MGA: variants seen among roughly 807,000 people sequenced by gnomAD.
MGA encodes MAX dimerization protein MGA, also known as MAX gene-associated protein.
A neutral mutation model predicts 261.1 loss-of-function variants in MGA; 40 were observed. That is an observed-to-expected ratio of 0.15 (90% CI 0.12 to 0.20). The LOEUF (loss-of-function observed/expected upper bound fraction) is 0.20, where lower values mean the gene tolerates loss of function less well. Among genes scored for constraint, MGA ranks in the 10% least tolerant of loss-of-function variants. MGA has a pLI of 1.00. For synonymous variants in MGA, 1,302 were observed against 1,290.6 expected (o/e 1.01, Z -0.19); for missense variants, 3,397 against 3,630.5 (o/e 0.94, Z 1.65).
At chr15:41,621,298 G>A (rs1408464203) in exon 1 of MGA, 1 of 152,300 alleles carries the variant, frequency 6.6e-6, no homozygotes, top group Admixed American at 6.5e-5. Flanking sequence ...AAGTTAAGCC[G>A]GTAGGTGCGA....
intron 14 of MGA, 67 bp downstream of exon 14, chr15:41,740,270 A>G (rs2062016836): frequency 6.7e-7 from 1 of 1,483,632 alleles, no homozygotes; most frequent in African/African-American, 1.4e-5. Context: ...GGGTACAGGT[A>G]TGGAGGTTGT....
intron 2 of MGA, among the ~76,000 whole-genome samples, chr15:41,673,964 T>C (rs1380351901): frequency 2.0e-5 from 3 of 152,106 alleles, no homozygotes; most frequent in Admixed American, 2.0e-4. Context: ...CGATCTCGAC[T>C]CACGGAAACC....
At chr15:41,674,180 A>G (rs951644993) in intron 2 of MGA, among the ~76,000 whole-genome samples, 2 of 151,558 alleles carry the variant, frequency 1.3e-5, no homozygotes, top group Admixed American at 1.3e-4. Flanking sequence ...GTGAGCCACT[A>G]CATCTGACCA....
intron 1 of MGA, among the ~76,000 whole-genome samples, chr15:41,665,009 G>C (rs1304893225): frequency 2.0e-5 from 3 of 152,196 alleles, no homozygotes; most frequent in Non-Finnish European, 4.4e-5. Context: ...TAGTGCTTTA[G>C]TGTTGGGAAG....
At chr15:41,716,928 TCAATC>T (rs1376019866) in intron 9 of MGA, among the ~76,000 whole-genome samples, 1 of 152,110 alleles carries the variant, frequency 6.6e-6, no homozygotes, top group East Asian at 1.9e-4. Flanking sequence ...TTGTAATGGT[TCAATC>T]CATTGCTGAA....
Position 41,749,865 on chromosome 15 carries a change from T to G in MGA, c.6258T>G (p.Val2086=). Reference sequence around the variant, plus strand: ...AAGAAAAAGTGGCTGTTCTGGAAGTTAGGACCATTTCTGAAAAAGCCAGTA... The same window carrying G: ...AAGAAAAAGTGGCTGTTCTGGAAGTGAGGACCATTTCTGAAAAAGCCAGTA... The change falls in exon 17 of 24, where the codon GTT becomes GTG. Residue 2086 remains valine, a synonymous_variant. Transcript: ENST00000219905. 1 of 1,613,942 alleles carries G rather than the reference T, an allele frequency of 6.2e-7. No homozygotes were observed. The highest frequency in any genetic ancestry group is 8.5e-7 in the Non-Finnish European group (1 of 1,179,884).
At chr15:41,723,022 G>A (rs1217664496) in intron 9 of MGA, among the ~76,000 whole-genome samples, 1 of 152,130 alleles carries the variant, frequency 6.6e-6, no homozygotes, top group Non-Finnish European at 1.5e-5. Flanking sequence ...TAAAGCTAGG[G>A]GACTTGGGTA....
In MGA at chr15:41,710,889, A is replaced by T. The variant is rs1482816831; in HGVS notation, c.2624A>T (p.Gln875Leu). 3 of 1,613,816 alleles carry T rather than the reference A, an allele frequency of 1.9e-6. No homozygotes were observed. Among genetic ancestry groups the T allele is most frequent in the Non-Finnish European group, 1.7e-6 (2 of 1,179,832 alleles). The change falls in exon 8 of 24, where the codon CAA (glutamine) becomes CTA (leucine). Residue 875 changes from glutamine (Q) to leucine (L), a missense_variant. Physicochemically the swap from Gln to Leu is moderately radical, Grantham distance 113 (BLOSUM62 -2). Coordinates refer to ENST00000219905, the MANE Select transcript of MGA (RefSeq NM_001164273.2). Reference sequence around the variant, plus strand: ...ACACTTGATAGTGTACTAAAGAAGCAATCTACTATTTCCCCTTCTACCTCT... The same window carrying T: ...ACACTTGATAGTGTACTAAAGAAGCTATCTACTATTTCCCCTTCTACCTCT...
At chr15:41,697,483 C>T (rs1234383917) in intron 3 of MGA, among the ~76,000 whole-genome samples, 5 of 146,702 alleles carry the variant, frequency 3.4e-5, no homozygotes, top group Non-Finnish European at 7.4e-5. Context: ...GTGGCACGAT[C>T]TCAGCTCACT....
intron 1 of MGA, among the ~76,000 whole-genome samples, chr15:41,636,048 A>G (rs1005280725): frequency 2.0e-5 from 3 of 152,214 alleles, no homozygotes; most frequent in Non-Finnish European, 4.4e-5. Flanking sequence ...CATATATTAC[A>G]TAGTTCATAA....
At chr15:41,713,009 T>C in intron 8 of MGA, 142 bp from the exon 9 acceptor site, 1 of 1,226,622 alleles carries the variant, frequency 8.2e-7, no homozygotes, top group Non-Finnish European at 1.1e-6. Flanking sequence ...GTTAGATTCA[T>C]GTTCTGTCCT....
At chr15:41,723,504 C>T (rs949927035) in intron 9 of MGA, among the ~76,000 whole-genome samples, 2 of 152,176 alleles carry the variant, frequency 1.3e-5, no homozygotes, top group Non-Finnish European at 2.9e-5. Flanking sequence ...TATCCTTGAT[C>T]TCCCTGGCTC....
chr15:41,736,810 A>T, intron 13 of MGA, 112 bp downstream of exon 13: 3 of 1,220,008 alleles, frequency 2.5e-6, no homozygotes. Flanking sequence ...ATTTCCTGGG[A>T]ACTGGGTGAC....
At chr15:41,661,218 C>T (rs970010365) in intron 1 of MGA, among the ~76,000 whole-genome samples, 1 of 151,994 alleles carries the variant, frequency 6.6e-6, no homozygotes, top group Non-Finnish European at 1.5e-5. Context: ...GTGTTATTTT[C>T]TTTATTCCTC....
intron 11 of MGA, among the ~76,000 whole-genome samples, chr15:41,729,804 C>T (rs2061415908): frequency 6.6e-6 from 1 of 152,130 alleles, no homozygotes; most frequent in Non-Finnish European, 1.5e-5. Context: ...CACTTTACTC[C>T]AGCCTGGGTG....
intron 10 of MGA, among the ~76,000 whole-genome samples, chr15:41,728,126 TC>T (rs1224200896): frequency 5.3e-5 from 8 of 151,928 alleles, no homozygotes; most frequent in Non-Finnish European, 7.4e-5. Context: ...GGTCAGGAGT[TC>T]GACACCAGCC....
chr15:41,666,123 G>C, intron 1 of MGA, among the ~76,000 whole-genome samples: 1 of 146,630 alleles, frequency 6.8e-6, no homozygotes, highest in Non-Finnish European at 1.5e-5. Flanking sequence ...TTGAACTCTT[G>C]ACCTCAAACG....
At chr15:41,627,056 A>C (rs1233591637) in intron 1 of MGA, among the ~76,000 whole-genome samples, 3 of 152,018 alleles carry the variant, frequency 2.0e-5, no homozygotes, top group African/African-American at 7.2e-5. Flanking sequence ...ACAGGCGTGC[A>C]CCACCACATC....
intron 2 of MGA, among the ~76,000 whole-genome samples, chr15:41,690,997 T>G (rs902741108): frequency 4.8e-4 from 71 of 149,228 alleles, no homozygotes; most frequent in Middle Eastern, 3.5e-3. Context: ...TTGCTTTGTT[T>G]TTTTTTTTTT....
Sources: allele counts gnomAD v4.1 joint callset (sites outside exome capture counted in the v4.1 genomes callset), GRCh38; gene constraint gnomAD v4.1.1; transcripts MANE v1.5; gene names NCBI Gene and HGNC (gene_info 2026-07-23, HGNC 2026-07-21).